Variants in ERCC1 observed in about 807,000 individuals in gnomAD.
The protein encoded by ERCC1 is DNA excision repair protein ERCC-1.
In ERCC1, 36 loss-of-function variants were observed where a neutral mutation model predicts 37.6. That is an observed-to-expected ratio of 0.96 (90% CI 0.73 to 1.26). ERCC1 has a LOEUF of 1.26. Among genes scored for constraint, ERCC1 ranks in the 50% most tolerant of loss-of-function variants. ERCC1 has a pLI of 0.00. For synonymous variants in ERCC1, 156 were observed against 162.1 expected (o/e 0.96, Z 0.28); for missense variants, 349 against 376.5 (o/e 0.93, Z 0.60).
In ERCC1 at chr19:45,413,648, C is replaced by T. The variant is rs1238663637; in HGVS notation, c.843+29G>A. ...ATTTGGGGCTCTCTCCTTCCCCCAA[C>T]TCCTTGGGTTCTTTCCCAGAGCTCT... On this transcript the variant is annotated intron_variant, in intron 9 of 9. Coordinates refer to ENST00000300853, the MANE Select transcript of ERCC1 (RefSeq NM_001983.4). The T allele has an allele frequency of 4.3e-6, 7 of 1,614,232 alleles. No homozygotes were observed. The Admixed American group carries it at 1.0e-4, about 23-fold the overall frequency.
At chr19:45,448,141 G>A (rs1034265070) in intron 1 of ERCC1, among the ~76,000 whole-genome samples, 2 of 152,158 alleles carry the variant, frequency 1.3e-5, no homozygotes, top group Non-Finnish European at 2.9e-5. Flanking sequence ...CAAAGTGTTG[G>A]GATTACAGGC....
intron 1 of ERCC1, among the ~76,000 whole-genome samples, chr19:45,431,596 G>C (rs1974831405): frequency 6.7e-6 from 1 of 150,154 alleles, no homozygotes; most frequent in South Asian, 2.1e-4. Context: ...AGAATCACTT[G>C]AACCCAGGAG....
intron 1 of ERCC1, among the ~76,000 whole-genome samples, chr19:45,429,628 G>A (rs1568594647): frequency 6.6e-6 from 1 of 151,458 alleles, no homozygotes; most frequent in Non-Finnish European, 1.5e-5. Context: ...CAGGGACCCT[G>A]GGTAGTTGCC....
At chr19:45,444,044 C>T (rs1332315655) in intron 1 of ERCC1, among the ~76,000 whole-genome samples, 1 of 143,974 alleles carries the variant, frequency 6.9e-6, no homozygotes, top group Non-Finnish European at 1.5e-5. Flanking sequence ...CCCTCAACTA[C>T]CCCCACTATC....
rs374805034 is a variant in ERCC1, at chr19:45,409,283, C to T, written c.*392G>A. 8 of 1,613,946 alleles carry T rather than the reference C, an allele frequency of 5.0e-6. No individual in the cohort carries two copies. Among genetic ancestry groups the T allele is most frequent in the Non-Finnish European group, 6.8e-6 (8 of 1,180,010 alleles). On this transcript the variant is annotated 3_prime_UTR_variant, in exon 10 of 10. Coordinates refer to ENST00000300853, the MANE Select transcript of ERCC1 (RefSeq NM_001983.4). The stretch of plus-strand genomic sequence containing the variant: ...AGGTCACACAGTGACTGAGCCAATT[C>T]AGCCACTAGAGCCTGAACTGCCAGG...
At position 45,409,249 on chromosome 19, in the gene ERCC1, G is replaced by T; in HGVS notation, c.*426C>A. 1 of 1,595,192 alleles carries T rather than the reference G, an allele frequency of 6.3e-7. No individual in the cohort carries two copies. The highest frequency in any genetic ancestry group is 1.1e-5 in the South Asian group (1 of 90,030). On this transcript the variant is annotated 3_prime_UTR_variant, in exon 10 of 10. Coordinates refer to ENST00000300853, the MANE Select transcript of ERCC1 (RefSeq NM_001983.4). The stretch of plus-strand genomic sequence containing the variant: ...CATCCACCAAGAAGAAGAAGAAGAA[G>T]AAAGAGAGAGGTCACACAGTGACTG...
In ERCC1 at chr19:45,431,582, C is replaced by T. The variant is rs992081177; in HGVS notation, c.-7-8201G>A. ...ATCCCAGCTACTTGGGAGGCTAAGG[C>T]AGGAGAATCACTTGAACCCAGGAGG... On this transcript the variant is annotated intron_variant, in intron 1 of 8. Transcript: ENST00000423698. 2.0e-5 allele frequency among the ~76,000 whole-genome samples: 3 copies of T among 151,196 alleles called. No individual in the cohort carries two copies. In the Admixed American group the frequency reaches 2.0e-4, roughly 10 times the overall value.
At chr19:45,438,904 G>T (rs994529092) in intron 1 of ERCC1, among the ~76,000 whole-genome samples, 3 of 152,146 alleles carry the variant, frequency 2.0e-5, no homozygotes, top group African/African-American at 7.2e-5. Flanking sequence ...GCCTCCCGAA[G>T]TGCTGGGATT....
chr19:45,427,327 AGGCCGGGCACAGT>A, upstream of ERCC1, among the ~76,000 whole-genome samples: 1 of 152,280 alleles, frequency 6.6e-6, no homozygotes, highest in South Asian at 2.1e-4. Flanking sequence ...TTCCCCCAGG[AGGCCGGGCACAGT>A]GGCTCACGCC....
rs1031636605 is a variant in ERCC1, at chr19:45,407,601, T to C, written c.*2074A>G. 1.7e-5 allele frequency: 5 copies of C among 289,854 alleles called. No individual in the cohort carries two copies. Among genetic ancestry groups the C allele is most frequent in the Non-Finnish European group, 2.6e-5 (4 of 156,398 alleles). The allele number at this position is 289,854 out of a possible 1,614,324, so 18.0% of individuals were successfully genotyped here. A position where few individuals can be genotyped will look rare whatever the true frequency, so the allele number is the denominator to read the frequency against. On this transcript the variant is annotated 3_prime_UTR_variant, in exon 10 of 10. Transcript: ENST00000300853. ...GCTGCATTCTTAGGACATTTGGACA[T>C]TCTGCAGGCTTGGTGGAACATGTTC...
chr19:45,434,309 C>T (rs1235144358), intron 1 of ERCC1, among the ~76,000 whole-genome samples: 3 of 145,676 alleles, frequency 2.1e-5, no homozygotes, highest in African/African-American at 5.2e-5. Flanking sequence ...GGTGAAACAC[C>T]GTGTCTCTCC....
At chr19:45,426,196 T>C (rs950428675), upstream of ERCC1, among the ~76,000 whole-genome samples, 1 of 151,890 alleles carries the variant, frequency 6.6e-6, no homozygotes, top group African/African-American at 2.4e-5. Flanking sequence ...CTGGCCAATA[T>C]GGTGAAACCC....
intron 1 of ERCC1, among the ~76,000 whole-genome samples, chr19:45,430,059 C>T (rs920407070): frequency 5.3e-5 from 8 of 152,180 alleles, no homozygotes; most frequent in Non-Finnish European, 1.2e-4. Flanking sequence ...GATGGGATTA[C>T]AGGCATGAGC....
rs569666650 is a variant in ERCC1, at chr19:45,435,713, C to T, written c.-7-12332G>A. Among the ~76,000 whole-genome samples the T allele has an allele frequency of 2.6e-5, 4 of 152,298 alleles. No individual in the cohort carries two copies. The East Asian group carries it at 7.7e-4, about 29-fold the overall frequency. ...CCTCAAGGGATCCTCCTGCCTTGGACTCCCAAAGTGTTGGGATTACAGGTG... is the reference window on the plus strand; with the variant it reads ...CCTCAAGGGATCCTCCTGCCTTGGATTCCCAAAGTGTTGGGATTACAGGTG... On this transcript the variant is annotated intron_variant, in intron 1 of 8. Coordinates refer to the ERCC1 transcript ENST00000423698.
At chr19:45,417,963 A>G (rs1210871836) in intron 5 of ERCC1, among the ~76,000 whole-genome samples, 1 of 152,042 alleles carries the variant, frequency 6.6e-6, no homozygotes, top group African/African-American at 2.4e-5. Context: ...AAGAGCTAGG[A>G]TTACAGGCAT....
rs772168585 is a variant in ERCC1 at position 45,408,105 on chromosome 19, C to T, written c.*1570G>A. On this transcript the variant is annotated 3_prime_UTR_variant, in exon 10 of 10. Transcript: ENST00000300853. The stretch of plus-strand genomic sequence containing the variant: ...CCTTCCCTCTCCTGTTCCACTTAAG[C>T]CTCTGCCCTCCCTGTTTCTCTCTGT... The T allele has an allele frequency of 1.3e-6, 2 of 1,565,786 alleles. No homozygotes were observed. Among genetic ancestry groups the T allele is most frequent in the Non-Finnish European group, 8.7e-7 (1 of 1,153,094 alleles).
In ERCC1 at chr19:45,413,368, G is replaced by A. The variant is rs1973855700; in HGVS notation, c.843+309C>T. 3 of 595,014 alleles carry A rather than the reference G, an allele frequency of 5.0e-6. No individual in the cohort carries two copies. The South Asian group carries it at 6.1e-5, about 12-fold the overall frequency. The allele number at this position is 595,014 out of a possible 1,614,324, so 36.9% of individuals were successfully genotyped here. A position where few individuals can be genotyped will look rare whatever the true frequency, so the allele number is the denominator to read the frequency against. On this transcript the variant is annotated intron_variant, in intron 9 of 9. Coordinates refer to ENST00000300853, the MANE Select transcript of ERCC1 (RefSeq NM_001983.4). ...TGCAGCCTCAACCTCCTGGGCTCAA[G>A]CGATCCTCCCACCTCAGTCTCCCCA...
upstream of ERCC1, chr19:45,424,213 A>C: frequency 8.7e-6 from 2 of 229,342 alleles, no homozygotes; most frequent in Non-Finnish European, 7.6e-6. Flanking sequence ...CAGTTTCCTC[A>C]TTCATTCATT....
In ERCC1 at chr19:45,408,949, G is replaced by T. The variant is rs767394181; in HGVS notation, c.*726C>A. ...AGGAAGCCATCCCTCTGCCCCCTAC[G>T]AAGAAGAGGAAAAAAGAAAAGGGAC... On this transcript the variant is annotated 3_prime_UTR_variant, in exon 10 of 10. Transcript: ENST00000300853. 8 of 1,613,912 alleles carry T rather than the reference G, an allele frequency of 5.0e-6. No individual in the cohort carries two copies. The South Asian group carries it at 7.7e-5, about 16-fold the overall frequency.
Sources: gnomAD v4.1 joint callset for allele counts (sites outside exome capture counted in the v4.1 genomes callset) on GRCh38, gnomAD v4.1.1 for gene constraint, MANE v1.5 for transcripts, NCBI Gene and HGNC (gene_info 2026-07-23, HGNC 2026-07-21) for gene names.